The following VTI1A variants were observed in gnomAD, a reference collection of about 807,000 sequenced individuals.
The protein encoded by VTI1A is vesicle transport through interaction with t-SNAREs homolog 1A.
In VTI1A, 22 loss-of-function variants were observed where a neutral mutation model predicts 34.9. The ratio of observed to expected loss-of-function variants is 0.63; its 90% CI spans 0.45 to 0.90. The LOEUF (loss-of-function observed/expected upper bound fraction) is 0.90. Among genes scored for constraint, VTI1A ranks in the 40% least tolerant of loss-of-function variants. VTI1A has a pLI of 0.00. For missense variants in VTI1A, 268 were observed against 275.6 expected, an observed-to-expected ratio of 0.97 and a Z score of 0.20; for synonymous variants, 87 against 97.3, an observed-to-expected ratio of 0.89 and a Z score of 0.62.
chr10:112,579,594 G>A (rs11816853), intron 5 of VTI1A, among the ~76,000 whole-genome samples: 15,481 of 152,150 alleles, frequency 0.1, 2,090 homozygotes, highest in African/African-American at 0.31. Context: ...AGGTTAGATT[G>A]AACAAAGTTT....
At chr10:112,543,815 C>G (rs1010545671) in intron 5 of VTI1A, among the ~76,000 whole-genome samples, 3 of 152,090 alleles carry the variant, frequency 2.0e-5, no homozygotes, top group Non-Finnish European at 4.4e-5. Flanking sequence ...GGATTTAGGT[C>G]TACATTTAAG....
At chr10:112,744,065 C>T (rs543633452) in intron 7 of VTI1A, among the ~76,000 whole-genome samples, 1 of 152,232 alleles carries the variant, frequency 6.6e-6, no homozygotes, top group East Asian at 1.9e-4. Flanking sequence ...TTTTAATATT[C>T]CAGATATTTG....
intron 3 of VTI1A, among the ~76,000 whole-genome samples, chr10:112,477,040 T>C (rs1848300820): frequency 6.6e-6 from 1 of 152,208 alleles, no homozygotes; most frequent in Non-Finnish European, 1.5e-5. Context: ...AGCTTTCTTA[T>C]ACAAGAAGTT....
chr10:112,472,440 A>G (rs1848123010), intron 3 of VTI1A, among the ~76,000 whole-genome samples: 2 of 152,116 alleles, frequency 1.3e-5, no homozygotes, highest in Admixed American at 1.3e-4. Flanking sequence ...GAACAGCTTG[A>G]AGCTTTTACT....
rs148889865 is a variant in VTI1A at position 112,640,983 on chromosome 10, A to G, written c.428-27235A>G. 1.5e-4 allele frequency among the ~76,000 whole-genome samples: 23 copies of G among 152,338 alleles called. 1 individual carries two copies. The highest frequency in any genetic ancestry group is 5.3e-4 in the African/African-American group (22 of 41,574). ...TAGCCAACAATGGACCATCAGGCAT[A>G]TTCAGATTGGCTGTTTTCATATAAC... is the stretch of plus-strand genomic sequence containing the variant. On this transcript the variant is annotated intron_variant, in intron 5 of 7. Transcript: ENST00000393077.
intron 4 of VTI1A, 91 bp from the exon 5 acceptor site, chr10:112,538,155 T>G: frequency 2.7e-6 from 3 of 1,101,142 alleles, no homozygotes; most frequent in Non-Finnish European, 4.0e-6. Context: ...CACCCCATGT[T>G]AGGGCATACG....
chr10:112,452,744 T>A (rs543078931), intron 1 of VTI1A, among the ~76,000 whole-genome samples: 1 of 151,808 alleles, frequency 6.6e-6, no homozygotes, highest in African/African-American at 2.4e-5. Flanking sequence ...TTTTGTTTTT[T>A]TTTTTTAAAT....
chr10:112,822,763 C>T (rs1261827064), downstream of VTI1A, among the ~76,000 whole-genome samples: 3 of 152,170 alleles, frequency 2.0e-5, no homozygotes, highest in Non-Finnish European at 2.9e-5. Context: ...TTATTATCCC[C>T]GACAAGACTT....
intron 3 of VTI1A, among the ~76,000 whole-genome samples, chr10:112,507,083 T>C (rs544675232): frequency 1.3e-5 from 2 of 152,258 alleles, no homozygotes; most frequent in East Asian, 3.9e-4. Context: ...AAGTTTTACT[T>C]TTGTTTCAGG....
intron 7 of VTI1A, among the ~76,000 whole-genome samples, chr10:112,795,819 TA>T (rs1852654739): frequency 6.6e-6 from 1 of 152,162 alleles, no homozygotes; most frequent in Admixed American, 6.5e-5. Context: ...AGTTTAGCAT[TA>T]TTTTAAATAA....
intron 7 of VTI1A, among the ~76,000 whole-genome samples, chr10:112,720,156 A>G (rs1251634219): frequency 6.6e-6 from 1 of 152,252 alleles, no homozygotes; most frequent in Non-Finnish European, 1.5e-5. Flanking sequence ...TATTATGAAC[A>G]ATGCTGTCAT....
At chr10:112,539,684 G>C (rs1281051060) in intron 5 of VTI1A, among the ~76,000 whole-genome samples, 1 of 152,138 alleles carries the variant, frequency 6.6e-6, no homozygotes, top group East Asian at 1.9e-4. Context: ...ACCTTGAGGA[G>C]ATCACGTAAC....
chr10:112,696,503 T>C (rs1848795626), intron 7 of VTI1A, among the ~76,000 whole-genome samples: 1 of 152,194 alleles, frequency 6.6e-6, no homozygotes. Flanking sequence ...TTTTGCTCTG[T>C]TACAAAGTAA....
chr10:112,557,974 G>A (rs1196059298), intron 5 of VTI1A, among the ~76,000 whole-genome samples: 1 of 152,198 alleles, frequency 6.6e-6, no homozygotes, highest in Non-Finnish European at 1.5e-5. Context: ...CTTGAATGAG[G>A]TAGAAAAGGC....
chr10:112,473,808 C>T (rs1848186482), intron 3 of VTI1A, among the ~76,000 whole-genome samples: 1 of 152,140 alleles, frequency 6.6e-6, no homozygotes, highest in African/African-American at 2.4e-5. Flanking sequence ...ATGCATTACT[C>T]ATTTAATCCA....
At chr10:112,721,694 C>G (rs572105980) in intron 7 of VTI1A, among the ~76,000 whole-genome samples, 1 of 152,258 alleles carries the variant, frequency 6.6e-6, no homozygotes, top group African/African-American at 2.4e-5. Context: ...TGCTGTTGGG[C>G]ACTCATTTGA....
intron 5 of VTI1A, among the ~76,000 whole-genome samples, chr10:112,597,365 G>A (rs1844692900): frequency 6.6e-6 from 1 of 151,938 alleles, no homozygotes; most frequent in South Asian, 2.1e-4. Context: ...TTACAGGCGT[G>A]CGTCACCACC....
At chr10:112,518,587 C>CTATATA (rs1274288724) in intron 3 of VTI1A, among the ~76,000 whole-genome samples, 5 of 93,684 alleles carry the variant, frequency 5.3e-5, no homozygotes, top group East Asian at 7.1e-4. Flanking sequence ...CTCTCTCTCT[C>CTATATA]TCTATATATA....
chr10:112,835,232 G>T, the VTI1A span, among the ~76,000 whole-genome samples: 2 of 152,166 alleles, frequency 1.3e-5, no homozygotes, highest in Non-Finnish European at 2.9e-5. Context: ...CGGAGCCCCA[G>T]AATGTCGCTT....
Sources: allele counts gnomAD v4.1 joint callset (sites outside exome capture counted in the v4.1 genomes callset), GRCh38; gene constraint gnomAD v4.1.1; transcripts MANE v1.5; gene names NCBI Gene and HGNC (gene_info 2026-07-23, HGNC 2026-07-21).